PLSCR4: variants seen among roughly 807,000 people sequenced by gnomAD.
The protein encoded by PLSCR4 is Ca(2+)-dependent phospholipid scramblase 4.
PLSCR4 carries 25 observed loss-of-function variants against 36.3 expected under a neutral mutation model. The ratio of observed to expected loss-of-function variants is 0.69; its 90% CI spans 0.50 to 0.96. The LOEUF is 0.96. PLSCR4 is among the 40% of genes least tolerant of loss of function. The pLI is 0.00. For synonymous variants in PLSCR4, 122 were observed against 132.9 expected (o/e 0.92, Z 0.56); for missense variants, 408 against 414.7 (o/e 0.98, Z 0.14).
intron 3 of PLSCR4, among the ~76,000 whole-genome samples, chr3:146,207,224 T>C (rs1054706513): frequency 9.2e-5 from 14 of 152,158 alleles, no homozygotes; most frequent in African/African-American, 3.1e-4. Context: ...GTCTACTTCA[T>C]TTCAAAGGAG....
In PLSCR4 at chr3:146,242,308, G is replaced by A. The variant is rs1240069461; in HGVS notation, c.-22+8652C>T. On this transcript the variant is annotated intron_variant, in intron 1 of 8. Coordinates refer to ENST00000354952, the MANE Select transcript of PLSCR4 (RefSeq NM_020353.3). The stretch of plus-strand genomic sequence containing the variant: ...TTTGCCTAAAGTTTTTCTTTTAAGA[G>A]TTTCACATGAGAAGTCAGATCTTGA... Among the ~76,000 whole-genome samples the A allele has an allele frequency of 3.0e-4, 46 of 152,156 alleles. 1 individual carries two copies. Among genetic ancestry groups the A allele is most frequent in the Non-Finnish European group, 8.8e-5 (6 of 68,036 alleles).
At chr3:146,250,057 T>A (rs1324340097) in intron 1 of PLSCR4, among the ~76,000 whole-genome samples, 2 of 152,200 alleles carry the variant, frequency 1.3e-5, no homozygotes, top group East Asian at 3.8e-4. Context: ...ACATCATGCA[T>A]AAAGTGATAA....
rs189648815 is a variant in PLSCR4, at chr3:146,210,273, C to T, written c.119-3512G>A. On this transcript the variant is annotated intron_variant, in intron 3 of 8. Transcript: ENST00000354952. The stretch of plus-strand genomic sequence containing the variant: ...TGAAGAATTCACAAATATAGGGGTC[C>T]AACTGTGGATCTATTTTAGTTTAAA... Among the ~76,000 whole-genome samples the T allele has an allele frequency of 4.2e-4, 64 of 151,916 alleles. 1 individual carries two copies. The East Asian group carries it at 0.012, about 28-fold the overall frequency.
chr3:146,237,690 T>C (rs1273482386), intron 1 of PLSCR4, among the ~76,000 whole-genome samples: 1 of 152,014 alleles, frequency 6.6e-6, no homozygotes, highest in African/African-American at 2.4e-5. Context: ...CACAAACTTA[T>C]GAAGTACAGC....
At chr3:146,223,820 AC>A (rs2035294378) in intron 1 of PLSCR4, 2 of 147,102 alleles carry the variant, frequency 1.4e-5, no homozygotes, top group African/African-American at 2.5e-5. Flanking sequence ...ATATATATTT[AC>A]TTTTATATAA....
At chr3:146,212,724 G>T in intron 3 of PLSCR4, among the ~76,000 whole-genome samples, 1 of 151,964 alleles carries the variant, frequency 6.6e-6, no homozygotes, top group East Asian at 1.9e-4. Context: ...TTGACTAATT[G>T]CTCTGGCTAG....
At chr3:146,220,295 G>C (rs540717615) in intron 3 of PLSCR4, among the ~76,000 whole-genome samples, 1 of 152,098 alleles carries the variant, frequency 6.6e-6, no homozygotes, top group African/African-American at 2.4e-5. Flanking sequence ...AAAAATATTT[G>C]CCAGAAAGAT....
At chr3:146,234,744 T>G (rs1198744390) in intron 1 of PLSCR4, among the ~76,000 whole-genome samples, 1 of 152,160 alleles carries the variant, frequency 6.6e-6, no homozygotes, top group African/African-American at 2.4e-5. Context: ...AAGTTGTTTA[T>G]GAACTCCTCA....
intron 3 of PLSCR4, among the ~76,000 whole-genome samples, chr3:146,210,727 C>A (rs2034571139): frequency 6.6e-6 from 1 of 152,038 alleles, no homozygotes; most frequent in African/African-American, 2.4e-5. Flanking sequence ...AACACCCATA[C>A]CCATTAGCAG....
intron 3 of PLSCR4, among the ~76,000 whole-genome samples, chr3:146,208,692 G>T (rs1294738056): frequency 2.0e-5 from 3 of 152,146 alleles, no homozygotes; most frequent in African/African-American, 7.2e-5. Context: ...TCAGGGAAAT[G>T]TAAATCAAAA....
intron 3 of PLSCR4, among the ~76,000 whole-genome samples, chr3:146,212,675 T>C (rs1292504742): frequency 6.6e-6 from 1 of 152,088 alleles, no homozygotes; most frequent in Non-Finnish European, 1.5e-5. Context: ...GATGGTTTTG[T>C]TTCTTTCTTT....
At chr3:146,235,398 T>G (rs539371471) in intron 1 of PLSCR4, among the ~76,000 whole-genome samples, 4 of 152,110 alleles carry the variant, frequency 2.6e-5, no homozygotes, top group African/African-American at 9.7e-5. Context: ...GGCTCCCCAT[T>G]TGCCTTCTGC....
chr3:146,246,983 A>T (rs892889419), intron 1 of PLSCR4, among the ~76,000 whole-genome samples: 3 of 152,194 alleles, frequency 2.0e-5, no homozygotes, highest in Admixed American at 6.5e-5. Context: ...TTTTCTAAGC[A>T]TATATAAACT....
At chr3:146,209,139 C>G (rs888380464) in intron 3 of PLSCR4, among the ~76,000 whole-genome samples, 54 of 151,996 alleles carry the variant, frequency 3.6e-4, no homozygotes, top group Admixed American at 5.9e-4. Flanking sequence ...GACTATTATT[C>G]TAAGGAAAGT....
At position 146,205,480 on chromosome 3, in the gene PLSCR4, A is replaced by C. The variant is rs543646839; in HGVS notation, c.354+1046T>G. On this transcript the variant is annotated intron_variant, in intron 4 of 8. Coordinates refer to ENST00000354952, the MANE Select transcript of PLSCR4 (RefSeq NM_020353.3). ...TCTTTGGTCTTTCCTTGACATATCC[A>C]AATTCCCAGCATTACTACTCTTGTG... is the stretch of plus-strand genomic sequence containing the variant. Among the ~76,000 whole-genome samples, 1,182 of 152,144 alleles carry C rather than the reference A, an allele frequency of 7.8e-3. 13 individuals carry two copies. The highest frequency in any genetic ancestry group is 0.025 in the African/African-American group (1,032 of 41,530).
chr3:146,231,106 A>C (rs911239749), intron 1 of PLSCR4, among the ~76,000 whole-genome samples: 2 of 152,160 alleles, frequency 1.3e-5, no homozygotes, highest in African/African-American at 4.8e-5. Context: ...ACTATAAATG[A>C]GAAGATACAG....
intron 7 of PLSCR4, 199 bp downstream of exon 7, chr3:146,196,433 A>T (rs2033746239): frequency 1.9e-6 from 1 of 528,110 alleles, no homozygotes; most frequent in Non-Finnish European, 3.3e-6. Context: ...CTGAAGTCAT[A>T]AAAAAAGCTT....
chr3:146,207,091 T>A (rs1368711623), intron 3 of PLSCR4, among the ~76,000 whole-genome samples: 1 of 152,148 alleles, frequency 6.6e-6, no homozygotes, highest in African/African-American at 2.4e-5. Context: ...ACTTACCTAA[T>A]GAGGTTGTAG....
At chr3:146,226,509 G>T (rs116633481) in intron 1 of PLSCR4, among the ~76,000 whole-genome samples, 149 of 152,226 alleles carry the variant, frequency 9.8e-4, no homozygotes, top group African/African-American at 3.3e-3. Flanking sequence ...TATCTATAGT[G>T]GCAAACTTTT....
Sources: gnomAD v4.1 joint callset for allele counts (sites outside exome capture counted in the v4.1 genomes callset) on GRCh38, gnomAD v4.1.1 for gene constraint, MANE v1.5 for transcripts, NCBI Gene and HGNC (gene_info 2026-07-23, HGNC 2026-07-21) for gene names.